FAM117A: variants seen among roughly 807,000 people sequenced by gnomAD.
FAM117A encodes the protein protein FAM117A.
In FAM117A, 21 loss-of-function variants were observed where a neutral mutation model predicts 44.1. That is an observed-to-expected ratio of 0.48 (90% confidence interval 0.34 to 0.69). The LOEUF (loss-of-function observed/expected upper bound fraction) is 0.69. Ranked by LOEUF, FAM117A falls within the 30% of genes least tolerant of loss-of-function variation. FAM117A has a pLI of 0.01. For synonymous variants in FAM117A, 220 were observed against 238.3 expected (o/e 0.92, Z 0.71); for missense variants, 498 against 589.9 (o/e 0.84, Z 1.61).
chr17:49,751,473 G>A (rs143172290), intron 1 of FAM117A, among the ~76,000 whole-genome samples: 8,951 of 151,574 alleles, frequency 0.059, 309 homozygotes, highest in Admixed American at 0.1. Flanking sequence ...CCAGCTACTC[G>A]GGAGGCTGAG....
chr17:49,734,620 A>T (rs2073602395), intron 1 of FAM117A, among the ~76,000 whole-genome samples: 1 of 151,552 alleles, frequency 6.6e-6, no homozygotes, highest in Non-Finnish European at 1.5e-5. Context: ...AATAAAAATT[A>T]AAAAAAATAA....
At chr17:49,735,546 C>T (rs2073607264) in intron 1 of FAM117A, among the ~76,000 whole-genome samples, 1 of 152,188 alleles carries the variant, frequency 6.6e-6, no homozygotes, top group African/African-American at 2.4e-5. Flanking sequence ...TATTAACAAT[C>T]TACATATTTG....
chr17:49,745,932 T>C (rs2073652853), intron 1 of FAM117A, among the ~76,000 whole-genome samples: 2 of 152,246 alleles, frequency 1.3e-5, no homozygotes, highest in South Asian at 4.1e-4. Flanking sequence ...CTCTAGTCCA[T>C]TTTTGCCTTT....
chr17:49,767,669 C>T (rs1299195274), upstream of FAM117A, among the ~76,000 whole-genome samples: 5 of 152,224 alleles, frequency 3.3e-5, no homozygotes, highest in South Asian at 8.3e-4. Context: ...CTTTAGGAGG[C>T]CGAGGTGGGT....
At chr17:49,739,691 C>A (rs1400313186) in intron 1 of FAM117A, among the ~76,000 whole-genome samples, 1 of 152,218 alleles carries the variant, frequency 6.6e-6, no homozygotes, top group Non-Finnish European at 1.5e-5. Context: ...GAAAGTACCC[C>A]TCTCAGATTT....
At chr17:49,747,114 G>A (rs1444342680) in intron 1 of FAM117A, 1 of 151,702 alleles carries the variant, frequency 6.6e-6, no homozygotes, top group Admixed American at 6.6e-5. Flanking sequence ...CAGAACCCAT[G>A]CTATTACTTG....
At chr17:49,741,271 G>GT (rs925346350) in intron 1 of FAM117A, among the ~76,000 whole-genome samples, 6 of 152,048 alleles carry the variant, frequency 3.9e-5, no homozygotes, top group African/African-American at 1.2e-4. Context: ...CATTTCCCCT[G>GT]TTTTTTGTTT....
intron 1 of FAM117A, among the ~76,000 whole-genome samples, chr17:49,788,004 G>C (rs554270923): frequency 1.3e-5 from 2 of 152,254 alleles, no homozygotes; most frequent in Admixed American, 6.5e-5. Flanking sequence ...CCCAAACACA[G>C]TGCGGTTAGG....
intron 1 of FAM117A, among the ~76,000 whole-genome samples, chr17:49,775,920 C>T (rs140820097): frequency 2.0e-3 from 300 of 152,300 alleles, no homozygotes; most frequent in African/African-American, 6.6e-3. Context: ...CTGTCAATTT[C>T]TTGGCCCTGT....
intron 3 of FAM117A, among the ~76,000 whole-genome samples, chr17:49,721,562 A>G (rs1567826861): frequency 1.3e-5 from 2 of 152,156 alleles, no homozygotes. Flanking sequence ...CATTGTTCTC[A>G]GCAATAGAGG....
At chr17:49,775,633 T>C (rs1401931236) in intron 1 of FAM117A, among the ~76,000 whole-genome samples, 1 of 152,192 alleles carries the variant, frequency 6.6e-6, no homozygotes, top group Non-Finnish European at 1.5e-5. Context: ...CGAGGAGTTG[T>C]GTTGTGCAGC....
At chr17:49,752,560 C>T (rs369867990) in intron 1 of FAM117A, among the ~76,000 whole-genome samples, 5 of 152,170 alleles carry the variant, frequency 3.3e-5, no homozygotes, top group South Asian at 2.1e-4. Flanking sequence ...GATCCATCTT[C>T]GCATGTCTCC....
chr17:49,728,875 C>T (rs1166215057), intron 2 of FAM117A, among the ~76,000 whole-genome samples: 1 of 152,224 alleles, frequency 6.6e-6, no homozygotes, highest in Non-Finnish European at 1.5e-5. Context: ...CATGTTCACA[C>T]ATCCTCCTCC....
intron 1 of FAM117A, among the ~76,000 whole-genome samples, chr17:49,739,998 A>C (rs759470854): frequency 2.9e-4 from 44 of 152,292 alleles, no homozygotes; most frequent in Non-Finnish European, 5.6e-4. Flanking sequence ...AAACAAAACA[A>C]AACAGCACAC....
At chr17:49,722,306 G>A (rs977974645) in intron 3 of FAM117A, among the ~76,000 whole-genome samples, 193 bp downstream of exon 3, 1 of 152,188 alleles carries the variant, frequency 6.6e-6, no homozygotes, top group African/African-American at 2.4e-5. Flanking sequence ...CTAGCAGGAG[G>A]GTCTGGGCTC....
chr17:49,773,595 C>T (rs2073767739), intron 1 of FAM117A: 1 of 152,096 alleles, frequency 6.6e-6, no homozygotes, highest in South Asian at 2.1e-4. Context: ...TGAGATATCA[C>T]CCTGCCCTGC....
chr17:49,734,167 A>T (rs2143738316), intron 1 of FAM117A, among the ~76,000 whole-genome samples: 1 of 151,936 alleles, frequency 6.6e-6, no homozygotes, highest in South Asian at 2.1e-4. Context: ...AAAGACCTAT[A>T]AAGGCTGTTG....
rs962298148 is a variant in FAM117A at position 49,756,631 on chromosome 17, A to G, written c.196+7261T>C. Among the ~76,000 whole-genome samples, 4 of 151,904 alleles carry G rather than the reference A, an allele frequency of 2.6e-5. No homozygotes were observed. In the South Asian group the frequency reaches 8.3e-4, roughly 31 times the overall value. ...CTCTCAAAAAAAAAAAAAAAGAGAC[A>G]AAGGCCAGGCGTGGTGGTTCACACC... On this transcript the variant is annotated intron_variant, in intron 1 of 7. Coordinates refer to ENST00000240364, the MANE Select transcript of FAM117A (RefSeq NM_030802.4).
upstream of FAM117A, among the ~76,000 whole-genome samples, chr17:49,767,179 A>G (rs1021905337): frequency 6.6e-6 from 1 of 152,236 alleles, no homozygotes; most frequent in African/African-American, 2.4e-5. Context: ...TGGCATGGGC[A>G]TGATGGGAGG....
Sources: allele counts gnomAD v4.1 joint callset (sites outside exome capture counted in the v4.1 genomes callset), GRCh38; gene constraint gnomAD v4.1.1; transcripts MANE v1.5; gene names NCBI Gene and HGNC (gene_info 2026-07-23, HGNC 2026-07-21).